The following TNNT3 variants were observed in gnomAD, a reference collection of about 807,000 sequenced individuals.
The protein encoded by TNNT3 is troponin T3, fast skeletal type, also known as troponin T, fast skeletal muscle.
Under a neutral mutation model 54.2 loss-of-function variants are expected in TNNT3, and 36 were observed. The ratio of observed to expected loss-of-function variants is 0.66; its 90% CI spans 0.51 to 0.88. The LOEUF is 0.88. Ranked by LOEUF, TNNT3 falls within the 40% of genes least tolerant of loss-of-function variation. The pLI is 0.00. For synonymous variants in TNNT3, 120 were observed against 109.7 expected (o/e 1.09, Z -0.59); for missense variants, 291 against 331.6 (o/e 0.88, Z 0.95).
Position 1,934,883 on chromosome 11 carries a change from C to T in TNNT3, c.645C>T (p.Phe215=), listed in dbSNP as rs1442552605. The T allele has an allele frequency of 7.4e-6, 12 of 1,613,634 alleles. No individual in the cohort carries two copies. The highest frequency in any genetic ancestry group is 1.7e-5 in the Admixed American group (1 of 60,034). The change falls in exon 14 of 16, where the codon TTC becomes TTT. Residue 215 remains phenylalanine (F), a synonymous_variant. Coordinates refer to ENST00000278317, the MANE Select transcript of TNNT3 (RefSeq NM_006757.4). ...TGCACCAGCTGGAGATTGACAAGTTCGAGTTTGGGGAGAAGCTGAAACGCC... is the reference window on the plus strand; with the variant it reads ...TGCACCAGCTGGAGATTGACAAGTTTGAGTTTGGGGAGAAGCTGAAACGCC... The part of the protein sequence containing the change: ...ETLHQLEIDK[F]EFGEKLKRQK...
intron 15 of TNNT3, 175 bp from the exon 16 acceptor site, chr11:1,938,263 G>A: frequency 1.4e-6 from 1 of 725,716 alleles, no homozygotes; most frequent in Admixed American, 2.0e-5. Flanking sequence ...GGCCCGCCAG[G>A]CACAGGTGAG....
chr11:1,923,703 A>G, intron 4 of TNNT3, 131 bp downstream of exon 4: 1 of 680,772 alleles, frequency 1.5e-6, no homozygotes, highest in South Asian at 1.5e-5. Flanking sequence ...TCAACCTTCC[A>G]TCTTCCTCAT....
chr11:1,936,262 G>C (rs964388959), intron 14 of TNNT3: 1 of 1,613,758 alleles, frequency 6.2e-7, no homozygotes, highest in Non-Finnish European at 8.5e-7. Flanking sequence ...GTTGTAAGTA[G>C]CCGGGTCCGC....
chr11:1,937,841 GTGTGTGCA>G (rs1372266305), intron 15 of TNNT3, among the ~76,000 whole-genome samples: 2 of 152,198 alleles, frequency 1.3e-5, no homozygotes, highest in South Asian at 2.1e-4. Context: ...ATGTGCCTGC[GTGTGTGCA>G]TGTGTGCATG....
chr11:1,926,582 G>A, intron 5 of TNNT3, 113 bp from the exon 6 acceptor site: 3 of 1,606,950 alleles, frequency 1.9e-6, no homozygotes, highest in Non-Finnish European at 2.6e-6. Context: ...GCACAGCCTG[G>A]CCTGCTCGCT....
intron 6 of TNNT3, chr11:1,927,954 G>A (rs3781953): frequency 0.39 from 58,632 of 152,176 alleles, 11,453 homozygotes; most frequent in Middle Eastern, 0.49. Context: ...AAGGCATCCG[G>A]AACGGGTGAC....
At chr11:1,930,730 G>T (rs10466507) in intron 8 of TNNT3, among the ~76,000 whole-genome samples, 1 of 152,010 alleles carries the variant, frequency 6.6e-6, no homozygotes, top group East Asian at 1.9e-4. Context: ...ACATCTGAAG[G>T]GTACAGCCGG....
At chr11:1,927,464 C>T (rs1331473412) in intron 6 of TNNT3, among the ~76,000 whole-genome samples, 1 of 152,208 alleles carries the variant, frequency 6.6e-6, no homozygotes, top group Non-Finnish European at 1.5e-5. Context: ...TGAGGGGCTC[C>T]TCCCTGCCGG....
intron 8 of TNNT3, among the ~76,000 whole-genome samples, chr11:1,932,206 T>TGCAA (rs1457114414): frequency 3.9e-5 from 6 of 152,368 alleles, no homozygotes; most frequent in Middle Eastern, 3.4e-3. Flanking sequence ...GCAGTGACAT[T>TGCAA]GCAATGGCCA....
chr11:1,926,539 C>T, intron 5 of TNNT3, 156 bp from the exon 6 acceptor site: 1 of 1,612,256 alleles, frequency 6.2e-7, no homozygotes, highest in Non-Finnish European at 8.5e-7. Flanking sequence ...GGGTGCAGGA[C>T]CCAAGAAGGA....
intron 14 of TNNT3, chr11:1,936,320 C>A: frequency 3.2e-6 from 5 of 1,565,042 alleles, no homozygotes; most frequent in South Asian, 1.1e-5. Flanking sequence ...GTGAACCTCT[C>A]GCATGGCAAA....
intron 15 of TNNT3, among the ~76,000 whole-genome samples, chr11:1,937,743 C>T (rs1374822411): frequency 7.9e-5 from 12 of 152,304 alleles, no homozygotes; most frequent in East Asian, 1.9e-4. Flanking sequence ...CGGGCTCCTC[C>T]GTGGTGCACG....
At chr11:1,938,294 G>A in intron 15 of TNNT3, 144 bp from the exon 16 acceptor site, 1 of 883,920 alleles carries the variant, frequency 1.1e-6, no homozygotes, top group Non-Finnish European at 1.9e-6. Context: ...CCGGACTGAA[G>A]CTGGGTGTGG....
At chr11:1,922,047 G>T (rs1045812734) in intron 1 of TNNT3, among the ~76,000 whole-genome samples, 2 of 152,292 alleles carry the variant, frequency 1.3e-5, no homozygotes, top group South Asian at 2.1e-4. Context: ...GGAGGGAAAT[G>T]GGGGGGCTGT....
chr11:1,938,325 C>A, intron 15 of TNNT3, 113 bp from the exon 16 acceptor site: 8 of 1,191,416 alleles, frequency 6.7e-6, no homozygotes, highest in Non-Finnish European at 1.0e-5. Flanking sequence ...TGGGCCGGGC[C>A]TGTGCCCTGA....
chr11:1,934,362 G>A lies in TNNT3; in HGVS notation c.397G>A (p.Ala133Thr). ...EEKARREEED[A>T]KRRAEDDLKK... ...AAAGGCCAGAAGGGAGGAGGAGGAT[G>A]CCAAGAGGAGGGCAGAGGACGACCT... is the stretch of plus-strand genomic sequence containing the variant. The change falls in exon 12 of 16, where the codon GCC becomes ACC. Residue 133 changes from alanine (A) to threonine (T), a missense_variant. Physicochemically the swap from Ala to Thr is moderately conservative, Grantham distance 58. Coordinates refer to ENST00000278317, the MANE Select transcript of TNNT3 (RefSeq NM_006757.4). 1 of 1,613,940 alleles carries A rather than the reference G, an allele frequency of 6.2e-7. No homozygotes were observed. The highest frequency in any genetic ancestry group is 8.5e-7 in the Non-Finnish European group (1 of 1,180,026).
chr11:1,936,543 C>G (rs1486261388), intron 14 of TNNT3, among the ~76,000 whole-genome samples: 2 of 152,204 alleles, frequency 1.3e-5, no homozygotes, highest in Non-Finnish European at 2.9e-5. Context: ...GCGGCTGGCC[C>G]AGGAGCAGCA....
At position 1,932,528 on chromosome 11, in the gene TNNT3, A is replaced by C. The variant is rs759049081; in HGVS notation, c.171+14A>C. ...GTGGACTTCGATGTAAGTTTACAGGACTCTGGTTAACATGTCCACGGTTTC... is the reference window on the plus strand; with the variant it reads ...GTGGACTTCGATGTAAGTTTACAGGCCTCTGGTTAACATGTCCACGGTTTC... On this transcript the variant is annotated intron_variant, in intron 9 of 15. Coordinates refer to ENST00000278317, the MANE Select transcript of TNNT3 (RefSeq NM_006757.4). 7 of 1,612,986 alleles carry C rather than the reference A, an allele frequency of 4.3e-6. No homozygotes were observed. The highest frequency in any genetic ancestry group is 5.9e-6 in the Non-Finnish European group (7 of 1,179,418).
chr11:1,928,671 C>T (rs1852325364), intron 6 of TNNT3, among the ~76,000 whole-genome samples: 1 of 152,142 alleles, frequency 6.6e-6, no homozygotes, highest in South Asian at 2.1e-4. Context: ...AGTAACACAG[C>T]CTTTACAGGC....
Sources: gnomAD v4.1 joint callset for allele counts (sites outside exome capture counted in the v4.1 genomes callset) on GRCh38, gnomAD v4.1.1 for gene constraint, MANE v1.5 for transcripts, NCBI Gene and HGNC (gene_info 2026-07-23, HGNC 2026-07-21) for gene names.